The following RBFOX1 variants were observed in gnomAD, a reference collection of about 807,000 sequenced individuals.
RBFOX1 encodes the protein RNA binding protein fox-1 homolog 1.
Under a neutral mutation model 57.7 loss-of-function variants are expected in RBFOX1, and 8 were observed. The observed-to-expected ratio is 0.14, with a 90% CI of 0.08 to 0.25. The LOEUF (loss-of-function observed/expected upper bound fraction) is 0.25. RBFOX1 is among the 10% of genes least tolerant of loss of function. RBFOX1 has a pLI of 1.00. For synonymous variants in RBFOX1, 326 were observed against 222.4 expected (o/e 1.47, Z -4.15); for missense variants, 611 against 548.5 (o/e 1.11, Z -1.14).
intron 3 of RBFOX1, among the ~76,000 whole-genome samples, chr16:5,736,698 C>G (rs1196349167): frequency 1.3e-5 from 2 of 152,108 alleles, no homozygotes; most frequent in African/African-American, 2.4e-5. Flanking sequence ...CTGTCTCTGT[C>G]TCTATCTGTG....
At position 6,303,334 on chromosome 16, in the gene RBFOX1, AT is replaced by A. The variant is rs35430919; in HGVS notation, c.-126-13648del. Among the ~76,000 whole-genome samples the A allele has an allele frequency of 7.9e-3, 1,167 of 148,316 alleles. 40 individuals are homozygous for A. The highest frequency in any genetic ancestry group is 0.067 in the East Asian group (343 of 5,092). On this transcript the variant is annotated intron_variant, in intron 1 of 15. Transcript: ENST00000550418. ...CTGGAGTCCAGTACGTATTAAATAG[AT>A]TTTTTTTTTTTTAAAAAATCGAGGC...
At chr16:7,431,709 C>G (rs958765718) in intron 4 of RBFOX1, among the ~76,000 whole-genome samples, 1 of 152,174 alleles carries the variant, frequency 6.6e-6, no homozygotes, top group African/African-American at 2.4e-5. Context: ...TCCATTCTGT[C>G]CTCTCCTTAG....
Position 7,266,561 on chromosome 16 carries a change from C to A in RBFOX1, c.27+214463C>A, listed in dbSNP as rs1259140307. 2.0e-5 allele frequency among the ~76,000 whole-genome samples: 3 copies of A among 152,168 alleles called. 1 individual carries two copies. Among genetic ancestry groups the A allele is most frequent in the Admixed American group, 2.0e-4 (3 of 15,280 alleles). ...TTACACCTCATGCCCTCATCTAAATCTAATCACCTCACCAAAGCTCTATCT... is the reference window on the plus strand; with the variant it reads ...TTACACCTCATGCCCTCATCTAAATATAATCACCTCACCAAAGCTCTATCT... On this transcript the variant is annotated intron_variant, in intron 4 of 15. Coordinates refer to ENST00000550418, the MANE Select transcript of RBFOX1 (RefSeq NM_018723.4).
chr16:6,659,164 C>G lies in RBFOX1; in HGVS notation c.-16+4514C>G, dbSNP rs115155186. 8.7e-3 allele frequency among the ~76,000 whole-genome samples: 1,326 copies of G among 151,988 alleles called. 16 individuals are homozygous for G. Among genetic ancestry groups the G allele is most frequent in the African/African-American group, 0.029 (1,207 of 41,442 alleles). ...CTGAATTTCAATACTATTATAAAGA[C>G]TGAGATTCAGGTGATGAGAGGAGAG... On this transcript the variant is annotated intron_variant, in intron 3 of 15. Coordinates refer to ENST00000550418, the MANE Select transcript of RBFOX1 (RefSeq NM_018723.4).
At chr16:7,635,805 TATTTA>T (rs1031242833) in intron 11 of RBFOX1, among the ~76,000 whole-genome samples, 38 of 152,244 alleles carry the variant, frequency 2.5e-4, no homozygotes, top group African/African-American at 9.1e-4. Flanking sequence ...CTTTTTATTT[TATTTA>T]TTTATTTTTT....
At chr16:5,448,441 C>G (rs550011970) in intron 1 of RBFOX1, among the ~76,000 whole-genome samples, 1 of 152,140 alleles carries the variant, frequency 6.6e-6, no homozygotes, top group Non-Finnish European at 1.5e-5. Context: ...TGGGAAATAA[C>G]TATCTCTCCT....
intron 4 of RBFOX1, among the ~76,000 whole-genome samples, chr16:7,343,962 A>G (rs1014879125): frequency 2.0e-5 from 3 of 152,200 alleles, no homozygotes; most frequent in Admixed American, 1.3e-4. Flanking sequence ...GCGTAAAGCA[A>G]TACCACCACA....
At chr16:7,499,032 G>A (rs747658420) in intron 4 of RBFOX1, among the ~76,000 whole-genome samples, 3 of 152,136 alleles carry the variant, frequency 2.0e-5, no homozygotes, top group Non-Finnish European at 4.4e-5. Flanking sequence ...TAGGTCTTCC[G>A]TGACTAGCAC....
intron 3 of RBFOX1, among the ~76,000 whole-genome samples, chr16:5,826,391 C>T (rs1240162445): frequency 6.6e-6 from 1 of 152,098 alleles, no homozygotes; most frequent in East Asian, 1.9e-4. Context: ...TACAGTGTTT[C>T]AGATGTTTTG....
At chr16:6,878,166 C>G (rs958788975) in intron 3 of RBFOX1, among the ~76,000 whole-genome samples, 5 of 152,242 alleles carry the variant, frequency 3.3e-5, no homozygotes, top group African/African-American at 1.2e-4. Context: ...AATGTAAATA[C>G]TTCCACTTCC....
At chr16:7,124,030 C>T (rs929138097) in intron 4 of RBFOX1, among the ~76,000 whole-genome samples, 4 of 152,082 alleles carry the variant, frequency 2.6e-5, no homozygotes, top group South Asian at 2.1e-4. Flanking sequence ...ATTACTAGGT[C>T]AAAGGTTATG....
At chr16:6,091,342 C>T (rs1359064561) in intron 1 of RBFOX1, among the ~76,000 whole-genome samples, 1 of 152,190 alleles carries the variant, frequency 6.6e-6, no homozygotes, top group East Asian at 1.9e-4. Flanking sequence ...ATTTGTCTGA[C>T]CCCCTTCCCT....
intron 3 of RBFOX1, among the ~76,000 whole-genome samples, chr16:6,883,655 A>G (rs749335328): frequency 2.6e-5 from 4 of 152,196 alleles, no homozygotes; most frequent in Non-Finnish European, 4.4e-5. Flanking sequence ...CTATCTTTGT[A>G]GTAAGTATTG....
chr16:6,992,369 C>T (rs962511257), intron 3 of RBFOX1, among the ~76,000 whole-genome samples: 2 of 152,078 alleles, frequency 1.3e-5, no homozygotes, highest in Non-Finnish European at 1.5e-5. Context: ...AGGTACCCAC[C>T]ACCATGCCCA....
chr16:7,622,872 G>C (rs187888331), intron 10 of RBFOX1, among the ~76,000 whole-genome samples: 1 of 152,268 alleles, frequency 6.6e-6, no homozygotes. Context: ...CATCTTTCAG[G>C]CTGGTGTAAA....
intron 14 of RBFOX1, among the ~76,000 whole-genome samples, chr16:7,701,901 T>G (rs1164979797): frequency 2.0e-5 from 3 of 152,198 alleles, no homozygotes; most frequent in African/African-American, 7.2e-5. Flanking sequence ...GTTAATGCTT[T>G]CAGGAGGGTT....
At chr16:6,649,165 T>C (rs2110340) in intron 2 of RBFOX1, among the ~76,000 whole-genome samples, 72,926 of 151,972 alleles carry the variant, frequency 0.48, 18,058 homozygotes, top group South Asian at 0.53. Context: ...TACTTTTTAG[T>C]ATATTTTTTG....
At chr16:7,589,269 T>C (rs2094307698) in intron 7 of RBFOX1, among the ~76,000 whole-genome samples, 2 of 152,242 alleles carry the variant, frequency 1.3e-5, no homozygotes, top group Middle Eastern at 3.2e-3. Flanking sequence ...GTTTAATTTA[T>C]ATTTTGTTTT....
rs1446250079 is a variant in RBFOX1, at chr16:7,241,006, A to G, written c.27+188908A>G. ...TCCCAAACAATTCTCTTAATATACA[A>G]CAATATCTGTTCTGGCTATCGTGAA... On this transcript the variant is annotated intron_variant, in intron 4 of 15. Coordinates refer to ENST00000550418, the MANE Select transcript of RBFOX1 (RefSeq NM_018723.4). 9.2e-5 allele frequency among the ~76,000 whole-genome samples: 14 copies of G among 152,316 alleles called. No homozygotes were observed. The South Asian group carries it at 2.9e-3, about 32-fold the overall frequency.
Sources: allele counts gnomAD v4.1 joint callset (sites outside exome capture counted in the v4.1 genomes callset), GRCh38; gene constraint gnomAD v4.1.1; transcripts MANE v1.5; gene names NCBI Gene and HGNC (gene_info 2026-07-23, HGNC 2026-07-21).